MCF2L2: variants seen among roughly 807,000 people sequenced by gnomAD.
MCF2L2 encodes probable guanine nucleotide exchange factor MCF2L2.
A neutral mutation model predicts 150.2 loss-of-function variants in MCF2L2; 102 were observed. The observed-to-expected ratio is 0.68, with a 90% confidence interval of 0.58 to 0.80. MCF2L2 has a LOEUF of 0.80. MCF2L2 is among the 30% of genes least tolerant of loss of function. MCF2L2 has a pLI of 0.00. For synonymous variants in MCF2L2, 465 were observed against 491.3 expected (o/e 0.95, Z 0.71); for missense variants, 1,256 against 1,372.8 (o/e 0.91, Z 1.34).
intron 15 of MCF2L2, among the ~76,000 whole-genome samples, chr3:183,258,046 C>T (rs1271785744): frequency 6.7e-6 from 1 of 148,318 alleles, no homozygotes; most frequent in African/African-American, 2.5e-5. Flanking sequence ...CGGCTCACCG[C>T]AACCTCCGCC....
chr3:183,377,951 A>G (rs531029145), intron 3 of MCF2L2: 2 of 152,388 alleles, frequency 1.3e-5, no homozygotes, highest in Admixed American at 1.3e-4. Context: ...AATATATTTA[A>G]GTACTAACTT....
At chr3:183,196,007 A>G (rs1341710910) in intron 25 of MCF2L2, among the ~76,000 whole-genome samples, 1 of 151,298 alleles carries the variant, frequency 6.6e-6, no homozygotes, top group East Asian at 1.9e-4. Context: ...CTGCCCCTGC[A>G]CTCTTCTGGC....
intron 3 of MCF2L2, among the ~76,000 whole-genome samples, chr3:183,361,023 G>GACC (rs1160069588): frequency 2.8e-4 from 29 of 103,090 alleles, no homozygotes; most frequent in African/African-American, 1.0e-3. Flanking sequence ...GAAAAGAAAA[G>GACC]AGAAAAGAAA....
At chr3:183,188,965 T>A (rs1441913056) in intron 27 of MCF2L2, among the ~76,000 whole-genome samples, 1 of 147,310 alleles carries the variant, frequency 6.8e-6, no homozygotes, top group Non-Finnish European at 1.5e-5. Flanking sequence ...TGAAACTCTA[T>A]CGCAAAAAAA....
At chr3:183,256,719 A>G (rs1725073921) in intron 15 of MCF2L2, among the ~76,000 whole-genome samples, 1 of 152,202 alleles carries the variant, frequency 6.6e-6, no homozygotes, top group Non-Finnish European at 1.5e-5. Flanking sequence ...ATAGTGCTCT[A>G]AGCAAAGTAA....
chr3:183,270,104 T>A lies in MCF2L2; in HGVS notation c.1862+6768A>T, dbSNP rs185863148. 4 of 1,614,144 alleles carry A rather than the reference T, an allele frequency of 2.5e-6. No homozygotes were observed. The East Asian group carries it at 8.9e-5, about 36-fold the overall frequency. ...TAAAAACTGCTCCTGAAAACTATGA[T>A]CGACGTTCCGGAATTAGAAGGACGT... On this transcript the variant is annotated intron_variant, in intron 15 of 29. Coordinates refer to ENST00000328913, the MANE Select transcript of MCF2L2 (RefSeq NM_015078.4). This position sits in a 1 kb window ranked among gnomAD's most constrained non-coding sequence, Gnocchi z 4.5.
Position 183,295,573 on chromosome 3 carries a change from C to G in MCF2L2, c.1498-96G>C, listed in dbSNP as rs1483216025. On this transcript the variant is annotated intron_variant, in intron 12 of 29. Coordinates refer to ENST00000328913, the MANE Select transcript of MCF2L2 (RefSeq NM_015078.4). Reference sequence around the variant, plus strand: ...TTTCTCCCACCTTCCCCTACTCCCCCCATCCCTACCTCCCTCAGGTGACCC... The same window carrying G: ...TTTCTCCCACCTTCCCCTACTCCCCGCATCCCTACCTCCCTCAGGTGACCC... The G allele has an allele frequency of 4.2e-6, 5 of 1,200,248 alleles. No homozygotes were observed. In the Admixed American group the frequency reaches 9.9e-5, roughly 24 times the overall value. The allele number at this position is 1,200,248 out of a possible 1,614,324, so 74.3% of individuals were successfully genotyped here.
intron 1 of MCF2L2, among the ~76,000 whole-genome samples, chr3:183,417,788 G>A (rs555937127): frequency 6.9e-6 from 1 of 144,488 alleles, no homozygotes; most frequent in South Asian, 2.1e-4. Context: ...AGTTCCACAT[G>A]GCTAAGGGAG....
chr3:183,328,652 A>G (rs1308641282), intron 5 of MCF2L2, among the ~76,000 whole-genome samples: 1 of 152,256 alleles, frequency 6.6e-6, no homozygotes, highest in African/African-American at 2.4e-5. Context: ...CACCAAAAGC[A>G]TAACCCATAA....
intron 21 of MCF2L2, among the ~76,000 whole-genome samples, chr3:183,219,322 T>C (rs1723057793): frequency 6.6e-6 from 1 of 152,170 alleles, no homozygotes; most frequent in Non-Finnish European, 1.5e-5. Flanking sequence ...CCCATTAAAA[T>C]TTTTTTGGCT....
intron 2 of MCF2L2, among the ~76,000 whole-genome samples, chr3:183,383,540 A>G (rs1027342418): frequency 3.9e-5 from 6 of 152,028 alleles, no homozygotes; most frequent in Admixed American, 2.0e-4. Context: ...TGCCCGGCCA[A>G]GAGGTTTTTT....
intron 3 of MCF2L2, among the ~76,000 whole-genome samples, chr3:183,354,576 C>A (rs1711650936): frequency 6.8e-6 from 1 of 147,048 alleles, no homozygotes; most frequent in South Asian, 2.3e-4. Flanking sequence ...AATTACCAAT[C>A]AGAAAATGTT....
intron 3 of MCF2L2, among the ~76,000 whole-genome samples, chr3:183,364,287 C>A (rs547423044): frequency 6.6e-6 from 1 of 151,940 alleles, no homozygotes; most frequent in Non-Finnish European, 1.5e-5. Context: ...GAGGGCGAGG[C>A]GGGCGGATCA....
intron 15 of MCF2L2, among the ~76,000 whole-genome samples, chr3:183,252,781 G>A (rs1724619201): frequency 6.6e-6 from 1 of 152,148 alleles, no homozygotes. Flanking sequence ...TTTCTGTCAT[G>A]TTCTGAAATA....
At chr3:183,278,234 A>G (rs143027450) in intron 14 of MCF2L2, among the ~76,000 whole-genome samples, 245 of 149,956 alleles carry the variant, frequency 1.6e-3, no homozygotes, top group South Asian at 6.1e-3. Context: ...TGTTTATTAA[A>G]CAAATAAAAA....
chr3:183,400,175 T>C (rs1427618128), intron 1 of MCF2L2, among the ~76,000 whole-genome samples: 2 of 152,212 alleles, frequency 1.3e-5, no homozygotes, highest in South Asian at 2.1e-4. Context: ...TTGTAATAGC[T>C]AATTAATGCT....
chr3:183,196,227 G>C (rs1722078378), intron 25 of MCF2L2, among the ~76,000 whole-genome samples: 1 of 152,088 alleles, frequency 6.6e-6, no homozygotes, highest in South Asian at 2.1e-4. Context: ...CTTCTGTCTG[G>C]TTACCTCCGA....
At chr3:183,351,111 A>G (rs1198202059) in intron 3 of MCF2L2, among the ~76,000 whole-genome samples, 1 of 149,256 alleles carries the variant, frequency 6.7e-6, no homozygotes, top group Non-Finnish European at 1.5e-5. Context: ...ATATGTAAGT[A>G]TAAGAGATTG....
chr3:183,309,313 C>T (rs182167002), intron 10 of MCF2L2, among the ~76,000 whole-genome samples: 15 of 151,786 alleles, frequency 9.9e-5, no homozygotes, highest in Admixed American at 7.9e-4. Flanking sequence ...ATCCTTACTA[C>T]CAACCCCACA....
Sources: allele counts gnomAD v4.1 joint callset (sites outside exome capture counted in the v4.1 genomes callset), GRCh38; gene constraint gnomAD v4.1.1; non-coding constraint Gnocchi (gnomAD v3.1); transcripts MANE v1.5; gene names NCBI Gene and HGNC (gene_info 2026-07-23, HGNC 2026-07-21).